The following FREM1 variants were observed in gnomAD, a reference collection of about 807,000 sequenced individuals.
The protein encoded by FREM1 is FRAS1-related extracellular matrix protein 1.
A neutral mutation model predicts 210.1 loss-of-function variants in FREM1; 220 were observed. The ratio of observed to expected loss-of-function variants is 1.05; its 90% confidence interval spans 0.94 to 1.17. FREM1 has a LOEUF of 1.17. Among genes scored for constraint, FREM1 ranks in the 50% most tolerant of loss-of-function variants. The probability of loss-of-function intolerance (pLI) is 0.00; values close to 1 mark genes in which losing one functional copy is unlikely to be tolerated. For missense variants in FREM1, 3,454 were observed against 2,675.5 expected (o/e 1.29, Z -6.42); for synonymous variants, 1,189 against 980.2 (o/e 1.21, Z -3.98).
chr9:14,794,315 A>G (rs1168405305), intron 21 of FREM1, among the ~76,000 whole-genome samples: 1 of 152,220 alleles, frequency 6.6e-6, no homozygotes, highest in African/African-American at 2.4e-5. Flanking sequence ...TTGAGGAACC[A>G]CATAGATGTG....
chr9:14,839,972 G>A (rs1421040977), intron 10 of FREM1, among the ~76,000 whole-genome samples: 1 of 152,170 alleles, frequency 6.6e-6, no homozygotes, highest in Non-Finnish European at 1.5e-5. Context: ...TATTTGAAAA[G>A]GAATTGACCT....
chr9:14,769,889 A>G, intron 26 of FREM1, 21 bp from the exon 27 acceptor site: 1 of 1,232,706 alleles, frequency 8.1e-7, no homozygotes, highest in Non-Finnish European at 1.2e-6. Context: ...AAATAAATGA[A>G]TATCATGGGT....
intron 29 of FREM1, among the ~76,000 whole-genome samples, chr9:14,751,041 A>C (rs1419514944): frequency 6.6e-6 from 1 of 152,194 alleles, no homozygotes; most frequent in African/African-American, 2.4e-5. Flanking sequence ...CCAGATACAC[A>C]AAATATTAAG....
chr9:14,840,215 T>C (rs1025413572), intron 10 of FREM1, among the ~76,000 whole-genome samples: 1 of 152,202 alleles, frequency 6.6e-6, no homozygotes, highest in Non-Finnish European at 1.5e-5. Context: ...GACCCTTGCT[T>C]TAAGCAGTCA....
chr9:14,793,316 A>C (rs1439223736), intron 21 of FREM1, among the ~76,000 whole-genome samples: 1 of 152,236 alleles, frequency 6.6e-6, no homozygotes, highest in African/African-American at 2.4e-5. Flanking sequence ...CAGATGTTCC[A>C]GTGCCATTGA....
intron 28 of FREM1, among the ~76,000 whole-genome samples, chr9:14,759,466 T>C (rs148380996): frequency 0.012 from 1,698 of 139,658 alleles, 33 homozygotes; most frequent in African/African-American, 0.043. Flanking sequence ...GCCGAGATTG[T>C]GCCATTGCAC....
rs1245456964 is a variant in FREM1, at chr9:14,885,018, G to A, written c.-267-15774C>T. Among the ~76,000 whole-genome samples the A allele has an allele frequency of 5.1e-5, 6 of 118,112 alleles. 1 individual carries two copies. The highest frequency in any genetic ancestry group is 2.2e-4 in the Admixed American group (2 of 9,218). The allele number at this position is 118,112 out of a possible 152,430, so 77.5% of individuals were successfully genotyped here. On this transcript the variant is annotated intron_variant, in intron 1 of 36. Transcript: ENST00000380880. ...CGGCTCACTGCAAGCTCCGCCTCCC[G>A]GGTTCACGCCATTCTCCTGCCTCAG...
chr9:14,825,861 C>G (rs977513270), intron 10 of FREM1, among the ~76,000 whole-genome samples: 3 of 152,022 alleles, frequency 2.0e-5, no homozygotes, highest in African/African-American at 7.2e-5. Flanking sequence ...TGCTACTGGC[C>G]TACCTTTCAT....
intron 29 of FREM1, among the ~76,000 whole-genome samples, chr9:14,751,419 CG>C (rs1270187997): frequency 6.6e-6 from 1 of 152,106 alleles, no homozygotes; most frequent in African/African-American, 2.4e-5. Context: ...CAGGCCAAGG[CG>C]GGCAGATCAC....
chr9:14,845,878 C>A (rs1826511095), intron 8 of FREM1, 82 bp downstream of exon 8: 2 of 1,380,040 alleles, frequency 1.4e-6, no homozygotes, highest in South Asian at 1.3e-5. Flanking sequence ...CCAAGAGATG[C>A]TACATATATC....
At chr9:14,896,274 C>T (rs185672679) in intron 1 of FREM1, among the ~76,000 whole-genome samples, 35 of 152,206 alleles carry the variant, frequency 2.3e-4, no homozygotes, top group African/African-American at 7.2e-4. Context: ...GGCTGGGCCC[C>T]GTGGCTCATG....
chr9:14,813,695 A>G lies in FREM1; in HGVS notation c.2641-631T>C, dbSNP rs562276869. ...TCCAAGTAAAAAGGAAAGAAAAGCG[A>G]CATGGGATCACGCTGGCACTCTAAA... On this transcript the variant is annotated intron_variant, in intron 15 of 36. Transcript: ENST00000380880. Among the ~76,000 whole-genome samples the G allele has an allele frequency of 1.2e-4, 18 of 152,336 alleles. 1 individual carries two copies. Among genetic ancestry groups the G allele is most frequent in the Admixed American group, 9.8e-4 (15 of 15,300 alleles).
At chr9:14,881,254 T>C (rs1482350207) in intron 1 of FREM1, among the ~76,000 whole-genome samples, 1 of 152,230 alleles carries the variant, frequency 6.6e-6, no homozygotes, top group African/African-American at 2.4e-5. Context: ...GTCAATTTCC[T>C]GGTCTTTGTA....
chr9:14,871,433 T>A (rs1053263566), intron 1 of FREM1, among the ~76,000 whole-genome samples: 19 of 152,164 alleles, frequency 1.2e-4, no homozygotes. Context: ...TCATGTGTTA[T>A]TTGGCTGCAT....
rs117432900 is a variant in FREM1, at chr9:14,767,989, T to A, written c.5204+1735A>T. Among the ~76,000 whole-genome samples, 354 of 152,258 alleles carry A rather than the reference T, an allele frequency of 2.3e-3. No homozygotes were observed. In the East Asian group the frequency reaches 0.027, roughly 12 times the overall value. On this transcript the variant is annotated intron_variant, in intron 27 of 36. Transcript: ENST00000380880. ...GCAGGAGGATATTTAAATGGCCTCA[T>A]TTAAGGTTATAATTAAATTAAGCAA...
At chr9:14,779,693 T>A (rs1849331790) in intron 24 of FREM1, among the ~76,000 whole-genome samples, 1 of 152,098 alleles carries the variant, frequency 6.6e-6, no homozygotes, top group African/African-American at 2.4e-5. Flanking sequence ...CTGCCCACGT[T>A]GGAAACAGGC....
At chr9:14,762,010 T>C (rs956182623) in intron 27 of FREM1, among the ~76,000 whole-genome samples, 3 of 152,234 alleles carry the variant, frequency 2.0e-5, no homozygotes, top group African/African-American at 7.2e-5. Context: ...AAGCACAGTG[T>C]ACATAGGGTT....
At position 14,808,106 on chromosome 9, in the gene FREM1, A is replaced by G; in HGVS notation, c.2922T>C (p.Phe974=). ...CCGAAACCACCAATGTAATGGTGTC[A>G]AAACAAGGCATCAGGCCAATCTCGC... ...TGGEIGLMPC[F]DTITLVVSDG... is the part of the protein sequence containing the mutation. Residue 974 remains phenylalanine, a synonymous_variant, in exon 17 of 37, where the codon TTT becomes TTC. Coordinates refer to ENST00000380880, the MANE Select transcript of FREM1 (RefSeq NM_001379081.2). 6.2e-7 allele frequency: 1 copy of G among 1,610,388 alleles called. No individual in the cohort carries two copies.
intron 35 of FREM1, among the ~76,000 whole-genome samples, chr9:14,741,768 T>C (rs1019412252): frequency 1.3e-5 from 2 of 152,226 alleles, no homozygotes; most frequent in Non-Finnish European, 2.9e-5. Flanking sequence ...ATTGAACTAA[T>C]TTGCTTACTG....
Sources: gnomAD v4.1 joint callset for allele counts (sites outside exome capture counted in the v4.1 genomes callset) on GRCh38, gnomAD v4.1.1 for gene constraint, MANE v1.5 for transcripts, NCBI Gene and HGNC (gene_info 2026-07-23, HGNC 2026-07-21) for gene names.